LPA: variants seen among roughly 807,000 people sequenced by gnomAD.
The protein encoded by LPA is lipoprotein(a).
A neutral mutation model predicts 197.9 loss-of-function variants in LPA; 199 were observed. That is an observed-to-expected ratio of 1.01 (90% CI 0.90 to 1.13). The LOEUF (loss-of-function observed/expected upper bound fraction) is 1.13, where lower values mean the gene tolerates loss of function less well. Among genes scored for constraint, LPA ranks in the 50% most tolerant of loss-of-function variants. The pLI, the probability that LPA is intolerant of heterozygous loss-of-function variation, is 0.00. For missense variants in LPA, 1,853 were observed against 1,785.8 expected (o/e 1.04, Z -0.68); for synonymous variants, 715 against 639.5 (o/e 1.12, Z -1.78).
In LPA at chr6:160,599,519, G is replaced by T; in HGVS notation, c.3268C>A (p.Pro1090Thr). ...ACGTACGCATTTGGGTAGTTTTCTGGGGTCCGACTATGCTGGTGTGGTGTC... is the reference window on the plus strand; with the variant it reads ...ACGTACGCATTTGGGTAGTTTTCTGTGGTCCGACTATGCTGGTGTGGTGTC... Reference protein sequence around the residue: ...SMTPHQHSRTPENYPNAGLTR... With the variant: ...SMTPHQHSRTTENYPNAGLTR... Residue 1090 changes from proline to threonine, a missense_variant, in exon 20 of 39, where the codon CCA (proline) becomes ACA (threonine). Coordinates refer to ENST00000316300, the MANE Select transcript of LPA (RefSeq NM_005577.4). The T allele has an allele frequency of 6.2e-7, 1 of 1,613,910 alleles. No homozygotes were observed.
At chr6:160,600,844 G>A in intron 19 of LPA, 73 bp downstream of exon 19, 2 of 1,498,140 alleles carry the variant, frequency 1.3e-6, no homozygotes, top group Non-Finnish European at 1.9e-6. Flanking sequence ...CTGAAGGGTT[G>A]TGCGTCAGTG....
chr6:160,564,598 G>A (rs1778417995), intron 28 of LPA, among the ~76,000 whole-genome samples: 1 of 152,182 alleles, frequency 6.6e-6, no homozygotes. Flanking sequence ...GCAGAAGATG[G>A]GTGGTTTCTG....
chr6:160,606,406 A>G, intron 17 of LPA, 71 bp downstream of exon 17: 1 of 1,571,304 alleles, frequency 6.4e-7, no homozygotes, highest in Non-Finnish European at 8.8e-7. Context: ...AGGCTGCTGC[A>G]TCAGTGGGAA....
chr6:160,655,890 G>C (rs776596716), intron 1 of LPA, among the ~76,000 whole-genome samples: 14 of 152,172 alleles, frequency 9.2e-5, no homozygotes, highest in Non-Finnish European at 1.6e-4. Flanking sequence ...CTGGAGAGTT[G>C]ATACACCCCT....
chr6:160,593,174 T>A (rs545462728), intron 22 of LPA, among the ~76,000 whole-genome samples: 13 of 152,250 alleles, frequency 8.5e-5, no homozygotes, highest in African/African-American at 2.6e-4. Flanking sequence ...AAGACTGCTG[T>A]GGTCAGCTGG....
intron 28 of LPA, among the ~76,000 whole-genome samples, chr6:160,575,696 G>C (rs1236359862): frequency 6.6e-6 from 1 of 152,118 alleles, no homozygotes; most frequent in Non-Finnish European, 1.5e-5. Flanking sequence ...TAGCTGGTAA[G>C]AACTCAAATA....
chr6:160,610,503 T>G (rs1385225544), intron 16 of LPA, among the ~76,000 whole-genome samples: 1 of 152,206 alleles, frequency 6.6e-6, no homozygotes, highest in Non-Finnish European at 1.5e-5. Context: ...ATCTTCTTAA[T>G]TGAGCTTGCT....
intron 1 of LPA, 140 bp from the exon 2 acceptor site, chr6:160,650,637 C>CA: frequency 2.7e-6 from 2 of 738,020 alleles, no homozygotes; most frequent in Middle Eastern, 2.9e-4. Context: ...GACAGACGTG[C>CA]AAAAAACCAA....
chr6:160,591,243 C>G (rs914543037), intron 22 of LPA, 142 bp from the exon 23 acceptor site: 19 of 1,062,926 alleles, frequency 1.8e-5, no homozygotes, highest in African/African-American at 3.2e-5. Context: ...AATCACAAAT[C>G]GTCCTCAACT....
intron 28 of LPA, among the ~76,000 whole-genome samples, chr6:160,568,369 C>G (rs912656211): frequency 3.9e-5 from 6 of 152,214 alleles, no homozygotes; most frequent in Non-Finnish European, 7.3e-5. Context: ...ATCATATAAA[C>G]AGAACCAAAG....
At position 160,548,530 on chromosome 6, in the gene LPA, G is replaced by A. The variant is rs569746344; in HGVS notation, c.5103C>T (p.Val1701=). ...TRCSDTEGTV[V]APPTVIQVPS... ...GAACCTGGATGACAGTCGGAGGAGC[G>A]ACCACAGTCCCTTCTGTGTCTGAGC... The change falls in exon 31 of 39, where the codon GTC becomes GTT. Residue 1701 remains valine (V), a synonymous_variant. Coordinates refer to ENST00000316300, the MANE Select transcript of LPA (RefSeq NM_005577.4). 23 of 1,613,894 alleles carry A rather than the reference G, an allele frequency of 1.4e-5. No individual in the cohort carries two copies. In the African/African-American group the frequency reaches 1.5e-4, roughly 10 times the overall value.
At chr6:160,589,200 T>C (rs978534522) in intron 24 of LPA, among the ~76,000 whole-genome samples, 2 of 152,198 alleles carry the variant, frequency 1.3e-5, no homozygotes, top group African/African-American at 4.8e-5. Context: ...CTCCAGGGCT[T>C]GGAGATTAGA....
At chr6:160,545,855 T>C (rs1778061285) in intron 32 of LPA, among the ~76,000 whole-genome samples, 1 of 152,068 alleles carries the variant, frequency 6.6e-6, no homozygotes, top group South Asian at 2.1e-4. Flanking sequence ...TGGGACATCA[T>C]TGATGAGCTT....
chr6:160,601,751 G>A (rs75515622), intron 18 of LPA, among the ~76,000 whole-genome samples: 1 of 152,212 alleles, frequency 6.6e-6, no homozygotes, highest in Admixed American at 6.5e-5. Context: ...AGCTGCCCTG[G>A]AAACCTAGCT....
At chr6:160,586,819 T>G (rs1778921110) in intron 24 of LPA, among the ~76,000 whole-genome samples, 189 bp from the exon 25 acceptor site, 2 of 152,246 alleles carry the variant, frequency 1.3e-5, no homozygotes, top group South Asian at 4.1e-4. Flanking sequence ...CAGCTTATGA[T>G]TCTTATTGTA....
At position 160,593,987 on chromosome 6, in the gene LPA, A is replaced by G. The variant is rs1393392227; in HGVS notation, c.3600T>C (p.His1200=). ...TTGGATAATATTCTGTTGTCCTCTG[A>G]TGCCAGTGTGGTGTCATAGAGGACC... ...QSWSSMTPHW[H]QRTTEYYPNG... Residue 1200 remains histidine (H), a synonymous_variant, in exon 22 of 39, where the codon CAT becomes CAC. Coordinates refer to ENST00000316300, the MANE Select transcript of LPA (RefSeq NM_005577.4). 7 of 1,613,966 alleles carry G rather than the reference A, an allele frequency of 4.3e-6. No homozygotes were observed. Among genetic ancestry groups the G allele is most frequent in the Non-Finnish European group, 5.9e-6 (7 of 1,179,852 alleles).
intron 28 of LPA, among the ~76,000 whole-genome samples, chr6:160,574,836 C>A (rs1247029521): frequency 2.0e-5 from 3 of 152,180 alleles, no homozygotes; most frequent in African/African-American, 7.2e-5. Flanking sequence ...TCTGTTCTTG[C>A]AGTCAATATG....
intron 34 of LPA, among the ~76,000 whole-genome samples, chr6:160,542,284 A>G (rs140784240): frequency 6.6e-6 from 1 of 152,328 alleles, no homozygotes; most frequent in Non-Finnish European, 1.5e-5. Context: ...TGTGCCTGTG[A>G]TAGACTGTAG....
intron 37 of LPA, among the ~76,000 whole-genome samples, chr6:160,534,006 C>T (rs1480717942): frequency 1.3e-5 from 2 of 152,168 alleles, no homozygotes; most frequent in Non-Finnish European, 2.9e-5. Flanking sequence ...CAAAACTTTG[C>T]AAGCATGGCA....
Sources: gnomAD v4.1 joint callset for allele counts (sites outside exome capture counted in the v4.1 genomes callset) on GRCh38, gnomAD v4.1.1 for gene constraint, MANE v1.5 for transcripts, NCBI Gene and HGNC (gene_info 2026-07-23, HGNC 2026-07-21) for gene names.